Variants in SLC1A1 observed in about 807,000 individuals in gnomAD.
The protein encoded by SLC1A1 is excitatory amino acid transporter 3.
In SLC1A1, 43 loss-of-function variants were observed where a neutral mutation model predicts 53.3. The ratio of observed to expected loss-of-function variants is 0.81; its 90% CI spans 0.63 to 1.04. SLC1A1 has a LOEUF of 1.04. Among genes scored for constraint, SLC1A1 ranks in the 50% least tolerant of loss-of-function variants. SLC1A1 has a pLI of 0.00. For missense variants in SLC1A1, 748 were observed against 664.9 expected (o/e 1.12, Z -1.37); for synonymous variants, 307 against 243.2 (o/e 1.26, Z -2.44).
At chr9:4,524,783 G>C (rs1429653541) in intron 1 of SLC1A1, among the ~76,000 whole-genome samples, 2 of 152,132 alleles carry the variant, frequency 1.3e-5, no homozygotes, top group Admixed American at 1.3e-4. Context: ...TCTGTACAAA[G>C]AGGAAAAACC....
intron 6 of SLC1A1, among the ~76,000 whole-genome samples, chr9:4,569,163 A>G (rs1819788857): frequency 6.6e-6 from 1 of 152,198 alleles, no homozygotes; most frequent in African/African-American, 2.4e-5. Context: ...TAGATTTGTC[A>G]GGTACATAAG....
At chr9:4,554,998 C>T (rs904890833) in intron 2 of SLC1A1, among the ~76,000 whole-genome samples, 1 of 152,224 alleles carries the variant, frequency 6.6e-6, no homozygotes, top group Non-Finnish European at 1.5e-5. Flanking sequence ...CTAATCCTCA[C>T]AACAGCTACG....
intron 1 of SLC1A1, among the ~76,000 whole-genome samples, chr9:4,522,268 G>A (rs1816105610): frequency 6.6e-6 from 1 of 151,896 alleles, no homozygotes; most frequent in Non-Finnish European, 1.5e-5. Context: ...AGCCAGGATG[G>A]TCTCGATCTC....
chr9:4,582,248 G>A (rs754950340), intron 10 of SLC1A1, among the ~76,000 whole-genome samples: 3 of 152,200 alleles, frequency 2.0e-5, no homozygotes, highest in Non-Finnish European at 4.4e-5. Context: ...CTTACCAAGA[G>A]GGATCTTTTT....
At chr9:4,570,376 AT>A (rs947133531) in intron 6 of SLC1A1, among the ~76,000 whole-genome samples, 128 of 145,640 alleles carry the variant, frequency 8.8e-4, no homozygotes, top group South Asian at 1.1e-3. Context: ...CCTCAACATA[AT>A]TTTTTTTTTT....
In SLC1A1 at chr9:4,586,151, T is replaced by C. The variant is rs934333817; in HGVS notation, c.*593T>C. The stretch of plus-strand genomic sequence containing the variant: ...AGGGTTTGGAAGAAAGGGAGAAGGA[T>C]TCTTTTTTCAATGTACTGTATTGGG... On this transcript the variant is annotated 3_prime_UTR_variant, in exon 12 of 12. Coordinates refer to ENST00000262352, the MANE Select transcript of SLC1A1 (RefSeq NM_004170.6). The C allele has an allele frequency of 2.5e-5, 4 of 161,340 alleles. No homozygotes were observed. Among genetic ancestry groups the C allele is most frequent in the Admixed American group, 5.9e-5 (1 of 16,830 alleles). 10.0% of individuals were successfully genotyped at this position (161,340 alleles called of 1,614,324 possible).
intron 11 of SLC1A1, among the ~76,000 whole-genome samples, chr9:4,584,193 G>A (rs977927078): frequency 6.6e-6 from 1 of 152,186 alleles, no homozygotes; most frequent in Non-Finnish European, 1.5e-5. Context: ...ACATCCTATT[G>A]GGCTTGAAAA....
intron 1 of SLC1A1, among the ~76,000 whole-genome samples, chr9:4,494,485 C>T (rs1479873427): frequency 1.3e-5 from 2 of 151,988 alleles, no homozygotes; most frequent in Non-Finnish European, 1.5e-5. Flanking sequence ...TAGTGTCCCG[C>T]CTATAATTTA....
rs372731393 is a variant in SLC1A1 at position 4,572,243 on chromosome 9, G to A, written c.622G>A (p.Asp208Asn). ...ATACAAAATTGTTGGCATGTATTCA[G>A]ATGGCATAAACGTCCTGGGCTTGAT... Reference protein sequence around the residue: ...KEYKIVGMYSDGINVLGLIVF... With the variant: ...KEYKIVGMYSNGINVLGLIVF... The change falls in exon 7 of 12, where the codon GAT becomes AAT. Residue 208 changes from aspartate to asparagine, a missense_variant. By Grantham distance (23) the Asp-to-Asn change is conservative (BLOSUM62 1). Coordinates refer to ENST00000262352, the MANE Select transcript of SLC1A1 (RefSeq NM_004170.6). 16 of 1,613,962 alleles carry A rather than the reference G, an allele frequency of 9.9e-6. No individual in the cohort carries two copies. The highest frequency in any genetic ancestry group is 1.7e-5 in the Admixed American group (1 of 60,006).
At chr9:4,513,957 G>C (rs541487369) in intron 1 of SLC1A1, among the ~76,000 whole-genome samples, 52 of 152,320 alleles carry the variant, frequency 3.4e-4, no homozygotes, top group African/African-American at 1.2e-3. Flanking sequence ...CATAGAATAT[G>C]ATTCCATCTG....
In SLC1A1 at chr9:4,525,432, T is replaced by G. The variant is rs79100983; in HGVS notation, c.92-19135T>G. Among the ~76,000 whole-genome samples the G allele has an allele frequency of 2.6e-3, 399 of 152,194 alleles. 1 individual carries two copies. The highest frequency in any genetic ancestry group is 8.8e-3 in the African/African-American group (366 of 41,514). On this transcript the variant is annotated intron_variant, in intron 1 of 11. Transcript: ENST00000262352. ...CCAGAAAAAATAAGTAGCCTGTAGG[T>G]AGACTTTCACAACTCAGAAAAAAGC...
intron 1 of SLC1A1, among the ~76,000 whole-genome samples, chr9:4,503,630 C>T (rs1408045544): frequency 1.3e-5 from 2 of 151,812 alleles, no homozygotes; most frequent in Non-Finnish European, 2.9e-5. Flanking sequence ...GGTGATGATA[C>T]ACATAAGGAG....
In SLC1A1 at chr9:4,544,591, G is replaced by C. The variant is rs780117919; in HGVS notation, c.116G>C (p.Arg39Pro). 1.9e-6 allele frequency: 3 copies of C among 1,613,638 alleles called. No homozygotes were observed. The highest frequency in any genetic ancestry group is 2.5e-6 in the Non-Finnish European group (3 of 1,179,768). Residue 39 changes from arginine to proline, a missense_variant, in exon 2 of 12, where the codon CGA (arginine) becomes CCA (proline). Transcript: ENST00000262352. ...VLGITTGVLV[R>P]EHSNLSTLEK... Reference sequence around the variant, plus strand: ...GGCATTACCACAGGAGTCTTGGTTCGAGAACACAGCAACCTCTCAACTCTA... The same window carrying C: ...GGCATTACCACAGGAGTCTTGGTTCCAGAACACAGCAACCTCTCAACTCTA...
At chr9:4,544,302 T>C (rs1177955721) in intron 1 of SLC1A1, among the ~76,000 whole-genome samples, 1 of 150,334 alleles carries the variant, frequency 6.7e-6, no homozygotes, top group Non-Finnish European at 1.5e-5. Flanking sequence ...TATTTTGTCA[T>C]AATAAGTGTA....
intron 5 of SLC1A1, among the ~76,000 whole-genome samples, chr9:4,566,386 G>T (rs1336488693): frequency 6.6e-6 from 1 of 152,170 alleles, no homozygotes; most frequent in East Asian, 1.9e-4. Context: ...TTTAAAATGT[G>T]GCCTCCAGTA....
intron 8 of SLC1A1, among the ~76,000 whole-genome samples, chr9:4,575,146 T>A (rs1820427527): frequency 6.6e-6 from 1 of 152,208 alleles, no homozygotes; most frequent in African/African-American, 2.4e-5. Flanking sequence ...TCCTCATGGT[T>A]TTTAGCTACA....
At chr9:4,581,659 T>C (rs1821109093) in intron 10 of SLC1A1, among the ~76,000 whole-genome samples, 1 of 152,222 alleles carries the variant, frequency 6.6e-6, no homozygotes, top group Non-Finnish European at 1.5e-5. Flanking sequence ...TAAAATAAAC[T>C]TGGGCTTTCC....
chr9:4,535,613 T>C (rs1169932157), intron 1 of SLC1A1, among the ~76,000 whole-genome samples: 5 of 152,254 alleles, frequency 3.3e-5, no homozygotes, highest in Admixed American at 6.5e-5. Context: ...GAATCAATAT[T>C]GTGAAAACGG....
rs1252347857 is a variant in SLC1A1 at position 4,583,011 on chromosome 9, T to A, written c.1194-27T>A. 1.2e-6 allele frequency: 2 copies of A among 1,614,078 alleles called. No individual in the cohort carries two copies. The highest frequency in any genetic ancestry group is 1.7e-6 in the Non-Finnish European group (2 of 1,179,954). On this transcript the variant is annotated intron_variant, in intron 10 of 11. Coordinates refer to ENST00000262352, the MANE Select transcript of SLC1A1 (RefSeq NM_004170.6). This position sits in a 1 kb window ranked among gnomAD's most constrained non-coding sequence, Gnocchi z 4.6. Reference sequence around the variant, plus strand: ...TTAACGGGAGAGGTAAGTGTCTAACTCCTTTCCTGCTGGTATGTTTCTGCA... The same window carrying A: ...TTAACGGGAGAGGTAAGTGTCTAACACCTTTCCTGCTGGTATGTTTCTGCA...
Sources: gnomAD v4.1 joint callset for allele counts (sites outside exome capture counted in the v4.1 genomes callset) on GRCh38, gnomAD v4.1.1 for gene constraint, Gnocchi (gnomAD v3.1) non-coding constraint, MANE v1.5 for transcripts, NCBI Gene and HGNC (gene_info 2026-07-23, HGNC 2026-07-21) for gene names.